ZC3H13: variants seen among roughly 807,000 people sequenced by gnomAD.
The protein encoded by ZC3H13 is zinc finger CCCH-type containing 13.
Under a neutral mutation model 204.1 loss-of-function variants are expected in ZC3H13, and 64 were observed. The observed-to-expected ratio is 0.31, with a 90% CI of 0.26 to 0.39. The LOEUF is 0.39. Ranked by LOEUF, ZC3H13 falls within the 10% of genes least tolerant of loss-of-function variation. The probability of loss-of-function intolerance (pLI) is 1.00; values close to 1 mark genes in which losing one functional copy is unlikely to be tolerated. For missense variants in ZC3H13, 1,833 were observed against 2,082.7 expected (o/e 0.88, Z 2.33); for synonymous variants, 667 against 693.7 (o/e 0.96, Z 0.60).
intron 5 of ZC3H13, among the ~76,000 whole-genome samples, chr13:46,015,156 A>T (rs1453768288): frequency 1.3e-5 from 2 of 151,980 alleles, no homozygotes; most frequent in African/African-American, 4.8e-5. Flanking sequence ...ACCAATGTAA[A>T]CCCCCACTTG....
At chr13:45,972,302 GA>G (rs996864927) in intron 12 of ZC3H13, among the ~76,000 whole-genome samples, 1 of 152,108 alleles carries the variant, frequency 6.6e-6, no homozygotes, top group Non-Finnish European at 1.5e-5. Context: ...TATACACCAT[GA>G]AACCATGGAC....
intron 14 of ZC3H13, 70 bp downstream of exon 14, chr13:45,968,678 T>C: frequency 6.7e-7 from 1 of 1,496,320 alleles, no homozygotes; most frequent in African/African-American, 1.4e-5. Context: ...AGCATTACTT[T>C]AGAATTAAAA....
intron 5 of ZC3H13, among the ~76,000 whole-genome samples, chr13:46,014,433 T>A (rs1003588462): frequency 6.6e-6 from 1 of 152,152 alleles, no homozygotes; most frequent in Non-Finnish European, 1.5e-5. Flanking sequence ...ATTTATTGTA[T>A]AAAAATAATC....
In ZC3H13 at chr13:46,008,655, AG is replaced by A. The variant is rs2041328731; in HGVS notation, c.746+1692del. 2.6e-5 allele frequency among the ~76,000 whole-genome samples: 4 copies of A among 152,196 alleles called. No homozygotes were observed. The South Asian group carries it at 8.3e-4, about 31-fold the overall frequency. On this transcript the variant is annotated intron_variant, in intron 7 of 18. Coordinates refer to ENST00000679008, the MANE Select transcript of ZC3H13 (RefSeq NM_001330564.2). ...ACAGAACAGATAAGACAAGGAAGAA[AG>A]GGTATTTCTAGTATGCAGTTTATTG...
intron 5 of ZC3H13, among the ~76,000 whole-genome samples, chr13:46,020,221 G>C (rs976138700): frequency 1.3e-5 from 2 of 152,044 alleles, no homozygotes; most frequent in Non-Finnish European, 2.9e-5. Flanking sequence ...GTTCTAGAGG[G>C]AAAACTAGGA....
intron 18 of ZC3H13, among the ~76,000 whole-genome samples, chr13:45,958,045 G>A (rs1303830710): frequency 6.6e-6 from 1 of 152,184 alleles, no homozygotes; most frequent in East Asian, 1.9e-4. Context: ...AAAGGAGAAT[G>A]ACTGTAGTGA....
At chr13:46,049,177 C>T (rs1368595651) in intron 1 of ZC3H13, among the ~76,000 whole-genome samples, 1 of 149,714 alleles carries the variant, frequency 6.7e-6, no homozygotes, top group Non-Finnish European at 1.5e-5. Flanking sequence ...AAGATGTACT[C>T]TACTTTTTCT....
chr13:45,970,036 A>G, intron 13 of ZC3H13, 65 bp from the exon 14 acceptor site: 1 of 1,502,730 alleles, frequency 6.7e-7, no homozygotes, highest in Non-Finnish European at 8.8e-7. Context: ...GTACATATAG[A>G]TTATAATAAT....
intron 10 of ZC3H13, among the ~76,000 whole-genome samples, chr13:45,982,282 T>C (rs1320335665): frequency 6.6e-6 from 1 of 151,888 alleles, no homozygotes; most frequent in Non-Finnish European, 1.5e-5. Context: ...TTTAAAACAT[T>C]TTTACAGACT....
At chr13:45,986,277 G>A (rs1812379449) in intron 9 of ZC3H13, among the ~76,000 whole-genome samples, 1 of 152,152 alleles carries the variant, frequency 6.6e-6, no homozygotes, top group African/African-American at 2.4e-5. Flanking sequence ...ATGTGTGCAA[G>A]TCTTTAAAGC....
intron 5 of ZC3H13, among the ~76,000 whole-genome samples, chr13:46,013,591 C>T (rs927906467): frequency 4.6e-5 from 7 of 152,150 alleles, no homozygotes; most frequent in African/African-American, 1.7e-4. Flanking sequence ...AGGCACATTG[C>T]AACTGACAGT....
chr13:45,963,463 C>G, intron 17 of ZC3H13: 1 of 1,007,558 alleles, frequency 9.9e-7, no homozygotes, highest in Non-Finnish European at 1.2e-6. Flanking sequence ...GCTCTGTCAC[C>G]TAGGTTGGAG....
intron 4 of ZC3H13, among the ~76,000 whole-genome samples, chr13:46,023,157 G>C (rs2138853128): frequency 6.6e-6 from 1 of 152,218 alleles, no homozygotes; most frequent in East Asian, 1.9e-4. Context: ...AGGAGGCTGT[G>C]TAAGTAATAT....
At chr13:46,029,426 T>A (rs1593749524) in intron 4 of ZC3H13, among the ~76,000 whole-genome samples, 1 of 150,686 alleles carries the variant, frequency 6.6e-6, no homozygotes, top group African/African-American at 2.4e-5. Flanking sequence ...ATGGACTACT[T>A]CTTTTTTTTT....
chr13:46,033,505 A>G (rs1473076214), intron 4 of ZC3H13, among the ~76,000 whole-genome samples: 1 of 64,286 alleles, frequency 1.6e-5, no homozygotes, highest in East Asian at 5.6e-4. Flanking sequence ...GAGAAAAATC[A>G]TACAACTAAT....
intron 12 of ZC3H13, among the ~76,000 whole-genome samples, chr13:45,974,554 C>A (rs1952852789): frequency 6.6e-6 from 1 of 152,140 alleles, no homozygotes; most frequent in Non-Finnish European, 1.5e-5. Context: ...ATATCAGATG[C>A]CAAGAACACA....
At chr13:46,020,192 T>C (rs887864755) in intron 5 of ZC3H13, among the ~76,000 whole-genome samples, 1 of 152,168 alleles carries the variant, frequency 6.6e-6, no homozygotes, top group Non-Finnish European at 1.5e-5. Flanking sequence ...CCTGAAGGGC[T>C]GTAATGCTGC....
At chr13:45,972,026 A>C (rs1952626011) in intron 12 of ZC3H13, among the ~76,000 whole-genome samples, 1 of 152,172 alleles carries the variant, frequency 6.6e-6, no homozygotes, top group African/African-American at 2.4e-5. Flanking sequence ...GACATGGTGA[A>C]AAGGGAATGC....
At position 46,048,807 on chromosome 13, in the gene ZC3H13, A is replaced by G. The variant is rs532519450; in HGVS notation, c.-9-3291T>C. Among the ~76,000 whole-genome samples, 4 of 152,028 alleles carry G rather than the reference A, an allele frequency of 2.6e-5. No individual in the cohort carries two copies. The East Asian group carries it at 7.8e-4, about 30-fold the overall frequency. Reference sequence around the variant, plus strand: ...TTCACTTGCAGCTACTACTGTACTGAGTCTCCCAATTTAGCGAAGAAATGA... The same window carrying G: ...TTCACTTGCAGCTACTACTGTACTGGGTCTCCCAATTTAGCGAAGAAATGA... On this transcript the variant is annotated intron_variant, in intron 1 of 18. Coordinates refer to ENST00000679008, the MANE Select transcript of ZC3H13 (RefSeq NM_001330564.2).
Sources: gnomAD v4.1 joint callset for allele counts (sites outside exome capture counted in the v4.1 genomes callset) on GRCh38, gnomAD v4.1.1 for gene constraint, MANE v1.5 for transcripts, NCBI Gene and HGNC (gene_info 2026-07-23, HGNC 2026-07-21) for gene names.